MTUS1: variants seen among roughly 807,000 people sequenced by gnomAD.
MTUS1 encodes the protein microtubule associated scaffold protein 1.
MTUS1 carries 109 observed loss-of-function variants against 120.8 expected under a neutral mutation model. That is an observed-to-expected ratio of 0.90 (90% CI 0.77 to 1.06). The LOEUF is 1.06. Ranked by LOEUF, MTUS1 falls within the 50% of genes least tolerant of loss-of-function variation. MTUS1 has a pLI of 0.00. For missense variants in MTUS1, 2,210 were observed against 1,486.3 expected, an observed-to-expected ratio of 1.49 and a Z score of -8.01; for synonymous variants, 737 against 550.5, an observed-to-expected ratio of 1.34 and a Z score of -4.74.
At chr8:17,770,300 A>G (rs1251358683) in intron 1 of MTUS1, 1 of 152,212 alleles carries the variant, frequency 6.6e-6, no homozygotes, top group East Asian at 1.9e-4. Context: ...TATGATAAAT[A>G]CCACAAACAA....
At chr8:17,739,158 G>A (rs919527100) in intron 3 of MTUS1, among the ~76,000 whole-genome samples, 8 of 151,578 alleles carry the variant, frequency 5.3e-5, no homozygotes, top group African/African-American at 1.9e-4. Flanking sequence ...CAAACAAACA[G>A]AAAACAAACA....
intron 1 of MTUS1, among the ~76,000 whole-genome samples, chr8:17,789,417 C>G (rs547638712): frequency 6.6e-6 from 1 of 152,098 alleles, no homozygotes; most frequent in African/African-American, 2.4e-5. Flanking sequence ...GGGGGTAGAT[C>G]GCGTGGGCAG....
chr8:17,697,679 G>C (rs1818256235), intron 6 of MTUS1: 2 of 1,041,312 alleles, frequency 1.9e-6, no homozygotes, highest in Non-Finnish European at 2.3e-6. Context: ...GTGCATGCTT[G>C]TGGAGTTGTT....
intron 1 of MTUS1, chr8:17,770,672 C>T (rs1308177158): frequency 1.3e-5 from 2 of 152,190 alleles, no homozygotes; most frequent in African/African-American, 4.8e-5. Context: ...AGTAATAGGG[C>T]TGAGTGTAAC....
chr8:17,780,381 C>T (rs1316029529), intron 1 of MTUS1, among the ~76,000 whole-genome samples: 1 of 152,184 alleles, frequency 6.6e-6, no homozygotes, highest in Non-Finnish European at 1.5e-5. Context: ...ATTACCCAGC[C>T]TCGGGTATTT....
intron 3 of MTUS1, among the ~76,000 whole-genome samples, chr8:17,732,427 G>A (rs1017239294): frequency 1.8e-4 from 28 of 152,118 alleles, no homozygotes; most frequent in African/African-American, 6.3e-4. Context: ...ATGCCCCTAC[G>A]TTCCTGGCTG....
intron 1 of MTUS1, among the ~76,000 whole-genome samples, chr8:17,781,329 A>G (rs1031498762): frequency 6.6e-6 from 1 of 152,302 alleles, no homozygotes; most frequent in East Asian, 1.9e-4. Flanking sequence ...TTGTAACCAA[A>G]GAGTTATTAG....
Position 17,665,851 on chromosome 8 carries a change from G to T in MTUS1, c.2905+9335C>A, listed in dbSNP as rs865988041. Among the ~76,000 whole-genome samples, 51 of 152,128 alleles carry T rather than the reference G, an allele frequency of 3.4e-4. 1 individual carries two copies. Among genetic ancestry groups the T allele is most frequent in the Admixed American group, 2.1e-3 (32 of 15,274 alleles). The stretch of plus-strand genomic sequence containing the variant: ...TCCAAGATAAGGCAGGTAAAAAAAT[G>T]ACCTTTCCCCCCCTATACTGGGTAG... On this transcript the variant is annotated intron_variant, in intron 8 of 14. Coordinates refer to ENST00000693296, the MANE Select transcript of MTUS1 (RefSeq NM_001363059.2).
intron 3 of MTUS1, among the ~76,000 whole-genome samples, chr8:17,741,750 C>T (rs1048644960): frequency 6.6e-6 from 1 of 152,072 alleles, no homozygotes; most frequent in South Asian, 2.1e-4. Flanking sequence ...TCAAGCCCCA[C>T]GAAATTCAGA....
intron 1 of MTUS1, among the ~76,000 whole-genome samples, chr8:17,783,469 A>G (rs10103376): frequency 0.026 from 4,015 of 152,278 alleles, 192 homozygotes; most frequent in African/African-American, 0.092. Flanking sequence ...AAGAGGGAGC[A>G]TACCAGGCCT....
intron 6 of MTUS1, among the ~76,000 whole-genome samples, chr8:17,708,142 C>A (rs943458241): frequency 6.6e-6 from 1 of 152,118 alleles, no homozygotes; most frequent in African/African-American, 2.4e-5. Flanking sequence ...GTTTATGTTT[C>A]CAAGGACATT....
At chr8:17,712,648 G>A (rs1421401098) in intron 6 of MTUS1, among the ~76,000 whole-genome samples, 2 of 151,976 alleles carry the variant, frequency 1.3e-5, no homozygotes, top group Non-Finnish European at 2.9e-5. Flanking sequence ...CTATCTGTCG[G>A]TCTGTCTGTC....
At chr8:17,782,700 T>C (rs1022288519) in intron 1 of MTUS1, among the ~76,000 whole-genome samples, 2 of 152,204 alleles carry the variant, frequency 1.3e-5, no homozygotes, top group South Asian at 2.1e-4. Context: ...TGTAAAGAAT[T>C]GTAACATCTT....
intron 1 of MTUS1, among the ~76,000 whole-genome samples, chr8:17,765,277 C>G (rs1448362842): frequency 6.6e-6 from 1 of 152,112 alleles, no homozygotes; most frequent in African/African-American, 2.4e-5. Flanking sequence ...GCTGTGCAGC[C>G]CTGTTCCTAA....
At chr8:17,685,298 T>C (rs954289760) in intron 6 of MTUS1, among the ~76,000 whole-genome samples, 2 of 152,124 alleles carry the variant, frequency 1.3e-5, no homozygotes, top group African/African-American at 4.8e-5. Flanking sequence ...TGTGCAATGG[T>C]GCCCTGGGTA....
At chr8:17,737,466 C>T (rs1280811378) in intron 3 of MTUS1, among the ~76,000 whole-genome samples, 5 of 152,198 alleles carry the variant, frequency 3.3e-5, no homozygotes, top group Non-Finnish European at 7.3e-5. Context: ...ATAGAAACAT[C>T]TATTAGCGAC....
At chr8:17,658,884 A>C (rs774339797) in intron 8 of MTUS1, among the ~76,000 whole-genome samples, 2 of 152,156 alleles carry the variant, frequency 1.3e-5, no homozygotes, top group African/African-American at 4.8e-5. Context: ...CATTGAAATA[A>C]TGGCAGGAAT....
At chr8:17,750,995 C>G (rs1355089250) in intron 2 of MTUS1, among the ~76,000 whole-genome samples, 1 of 152,196 alleles carries the variant, frequency 6.6e-6, no homozygotes, top group Non-Finnish European at 1.5e-5. Flanking sequence ...AGGCCTAAGG[C>G]AGGCCAAGGC....
rs377130971 is a variant in MTUS1, at chr8:17,655,928, A to G, written c.3043T>C (p.Tyr1015His). ...NRLKEFYTREYEKLRDTYIEE... is the reference protein window; with the variant it reads ...NRLKEFYTREHEKLRDTYIEE... Reference sequence around the variant, plus strand: ...ATGTAAGTGTCCCGAAGCTTTTCATACTCCCTGGTGTAAAACTCTTTAAGC... The same window carrying G: ...ATGTAAGTGTCCCGAAGCTTTTCATGCTCCCTGGTGTAAAACTCTTTAAGC... Residue 1015 changes from tyrosine to histidine, a missense_variant, in exon 9 of 15, where the codon TAT becomes CAT. By Grantham distance (83) the Tyr-to-His change is moderately conservative. Transcript: ENST00000693296. 92 of 1,613,756 alleles carry G rather than the reference A, an allele frequency of 5.7e-5. No individual in the cohort carries two copies. Among genetic ancestry groups the G allele is most frequent in the Non-Finnish European group, 6.7e-5 (79 of 1,179,980 alleles).
Sources: allele counts gnomAD v4.1 joint callset (sites outside exome capture counted in the v4.1 genomes callset), GRCh38; gene constraint gnomAD v4.1.1; transcripts MANE v1.5; gene names NCBI Gene and HGNC (gene_info 2026-07-23, HGNC 2026-07-21).